Variants in MSRA observed in about 807,000 individuals in gnomAD.
MSRA encodes methionine sulfoxide reductase A.
Under a neutral mutation model 31.3 loss-of-function variants are expected in MSRA, and 54 were observed. The observed-to-expected ratio is 1.73, with a 90% confidence interval of 1.39 to 2.17. The LOEUF is 2.17. Ranked by LOEUF, MSRA falls within the 30% of genes most tolerant of loss-of-function variation. The pLI is 0.00. For synonymous variants in MSRA, 169 were observed against 116.5 expected, an observed-to-expected ratio of 1.45 and a Z score of -2.90; for missense variants, 507 against 300.9, an observed-to-expected ratio of 1.69 and a Z score of -5.07.
chr8:10,114,729 C>G (rs1800554650), intron 1 of MSRA, among the ~76,000 whole-genome samples: 1 of 152,020 alleles, frequency 6.6e-6, no homozygotes, highest in South Asian at 2.1e-4. Context: ...CCAAGGAAAG[C>G]AAACCACAAA....
intron 5 of MSRA, among the ~76,000 whole-genome samples, chr8:10,374,890 T>C (rs1361182413): frequency 2.0e-5 from 3 of 151,832 alleles, no homozygotes. Flanking sequence ...AATAAGGGAG[T>C]TCTCACCCAG....
At chr8:10,056,207 A>AAG (rs1554532520) in intron 1 of MSRA, among the ~76,000 whole-genome samples, 1 of 143,492 alleles carries the variant, frequency 7.0e-6, no homozygotes, top group African/African-American at 2.6e-5. Context: ...CCAAAAAAAA[A>AAG]AAAAAAAAAA....
At chr8:10,219,997 C>T (rs1810356255) in intron 2 of MSRA, among the ~76,000 whole-genome samples, 1 of 151,770 alleles carries the variant, frequency 6.6e-6, no homozygotes, top group Non-Finnish European at 1.5e-5. Context: ...TCAGTTGAAG[C>T]AACATGGTTG....
chr8:10,262,412 A>G lies in MSRA; in HGVS notation c.331+17189A>G, dbSNP rs142096410. ...GTTGTTGGTGTTTTGGATTTTGGCA[A>G]TTCTGATAGGTGTATAGTGGTATCT... is the stretch of plus-strand genomic sequence containing the variant. On this transcript the variant is annotated intron_variant, in intron 3 of 5. Coordinates refer to ENST00000317173, the MANE Select transcript of MSRA (RefSeq NM_012331.5). Among the ~76,000 whole-genome samples the G allele has an allele frequency of 1.4e-4, 22 of 152,300 alleles. No individual in the cohort carries two copies. In the East Asian group the frequency reaches 2.9e-3, roughly 20 times the overall value.
intron 3 of MSRA, among the ~76,000 whole-genome samples, chr8:10,276,527 A>C (rs893364696): frequency 5.3e-5 from 8 of 152,200 alleles, no homozygotes; most frequent in Admixed American, 1.3e-4. Context: ...TAAGCCCAAA[A>C]TTATTTCGAA....
At chr8:10,339,169 G>A (rs527532582) in intron 5 of MSRA, among the ~76,000 whole-genome samples, 16 of 152,254 alleles carry the variant, frequency 1.1e-4, no homozygotes, top group African/African-American at 2.6e-4. Context: ...CTAGCCCCTT[G>A]GCTTTGGAAT....
intron 4 of MSRA, among the ~76,000 whole-genome samples, chr8:10,313,417 A>T (rs944091561): frequency 3.9e-5 from 6 of 152,220 alleles, no homozygotes; most frequent in African/African-American, 1.4e-4. Flanking sequence ...TTCAGGGTTT[A>T]CTTATTTACC....
chr8:10,087,050 A>G (rs1045798244), intron 1 of MSRA, among the ~76,000 whole-genome samples: 3 of 152,170 alleles, frequency 2.0e-5, no homozygotes, highest in Non-Finnish European at 4.4e-5. Context: ...CATGGAAGAC[A>G]TGATTTTGGG....
At chr8:10,374,545 C>T (rs1356926543) in intron 5 of MSRA, among the ~76,000 whole-genome samples, 2 of 152,176 alleles carry the variant, frequency 1.3e-5, no homozygotes, top group Non-Finnish European at 2.9e-5. Context: ...CCAAGGTCTT[C>T]CAGATAGTAC....
chr8:10,234,752 G>A (rs192752621), intron 2 of MSRA, among the ~76,000 whole-genome samples: 3 of 151,838 alleles, frequency 2.0e-5, no homozygotes, highest in African/African-American at 4.8e-5. Context: ...GAAAACATAC[G>A]CCTGGTAAAT....
At chr8:10,348,703 C>T (rs1426957138) in intron 5 of MSRA, among the ~76,000 whole-genome samples, 1 of 152,130 alleles carries the variant, frequency 6.6e-6, no homozygotes, top group East Asian at 1.9e-4. Context: ...GTTCATACTA[C>T]CAAGGCATCT....
chr8:10,376,649 C>T (rs1350928215), intron 5 of MSRA, among the ~76,000 whole-genome samples: 2 of 152,138 alleles, frequency 1.3e-5, no homozygotes, highest in African/African-American at 4.8e-5. Flanking sequence ...CATGTTAAAC[C>T]CCAAGGGAAT....
At chr8:10,068,222 A>G (rs541679437) in intron 1 of MSRA, among the ~76,000 whole-genome samples, 91 of 152,082 alleles carry the variant, frequency 6.0e-4, no homozygotes, top group South Asian at 1.2e-3. Context: ...TATTTTGGAT[A>G]TCCTTTATCA....
At chr8:10,247,696 A>C (rs889944093) in intron 3 of MSRA, among the ~76,000 whole-genome samples, 1 of 152,138 alleles carries the variant, frequency 6.6e-6, no homozygotes, top group Non-Finnish European at 1.5e-5. Flanking sequence ...TTGTCATGGA[A>C]ACTTGTTCCT....
chr8:10,184,025 G>A (rs1806797978), intron 1 of MSRA, among the ~76,000 whole-genome samples: 1 of 150,134 alleles, frequency 6.7e-6, no homozygotes, highest in Non-Finnish European at 1.5e-5. Flanking sequence ...TGTTGGTGGT[G>A]TTGGTCTTGG....
chr8:10,135,350 T>G (rs929748674), intron 1 of MSRA, among the ~76,000 whole-genome samples: 3 of 152,220 alleles, frequency 2.0e-5, no homozygotes, highest in African/African-American at 7.2e-5. Flanking sequence ...AATCCCAGTT[T>G]ACTTGGCATG....
chr8:10,308,958 C>G (rs1246264266), intron 4 of MSRA, among the ~76,000 whole-genome samples: 4 of 152,194 alleles, frequency 2.6e-5, no homozygotes, highest in Non-Finnish European at 5.9e-5. Flanking sequence ...CTAAGGGGTG[C>G]TTAGTAAATG....
chr8:10,305,206 A>T (rs1056845672), intron 4 of MSRA, among the ~76,000 whole-genome samples: 2 of 152,126 alleles, frequency 1.3e-5, no homozygotes, highest in African/African-American at 2.4e-5. Flanking sequence ...AAATGTGGAG[A>T]TTCTTGCTGA....
intron 5 of MSRA, among the ~76,000 whole-genome samples, chr8:10,423,643 G>A (rs149815100): frequency 2.4e-4 from 37 of 152,318 alleles, no homozygotes; most frequent in African/African-American, 7.2e-4. Context: ...AGGAGCCGTG[G>A]ATGACAGAGA....
Sources: gnomAD v4.1 joint callset for allele counts (sites outside exome capture counted in the v4.1 genomes callset) on GRCh38, gnomAD v4.1.1 for gene constraint, MANE v1.5 for transcripts, NCBI Gene and HGNC (gene_info 2026-07-23, HGNC 2026-07-21) for gene names.